The following CMC1 variants were observed in gnomAD, a reference collection of about 807,000 sequenced individuals.
CMC1 encodes the protein COX assembly mitochondrial protein homolog.
CMC1 carries 14 observed loss-of-function variants against 14.1 expected under a neutral mutation model. The observed-to-expected ratio is 0.99, with a 90% CI of 0.66 to 1.55. CMC1 has a LOEUF of 1.55. CMC1 is among the 40% of genes most tolerant of loss of function. CMC1 has a pLI of 0.00. For synonymous variants in CMC1, 50 were observed against 38.4 expected (o/e 1.30, Z -1.12); for missense variants, 127 against 123.8 (o/e 1.03, Z -0.12).
intron 2 of CMC1, among the ~76,000 whole-genome samples, chr3:28,276,521 A>G (rs981212865): frequency 1.3e-5 from 2 of 152,182 alleles, no homozygotes; most frequent in African/African-American, 4.8e-5. Context: ...ATTAACTTTG[A>G]ATTATTTTGC....
At chr3:28,248,494 T>G (rs1179962015) in intron 1 of CMC1, among the ~76,000 whole-genome samples, 2 of 152,042 alleles carry the variant, frequency 1.3e-5, no homozygotes, top group Admixed American at 6.5e-5. Flanking sequence ...ATTGCTAAGG[T>G]TGCTTCAAGC....
At chr3:28,283,554 A>AAAC (rs1286503202) in intron 2 of CMC1, among the ~76,000 whole-genome samples, 3 of 104,204 alleles carry the variant, frequency 2.9e-5, no homozygotes, top group African/African-American at 5.9e-5. Context: ...ACAAAAACAA[A>AAAC]AAAAAAAAAA....
At chr3:28,262,992 T>G in intron 1 of CMC1, 1 of 258,528 alleles carries the variant, frequency 3.9e-6, no homozygotes, top group Non-Finnish European at 7.3e-6. Context: ...AGGGAATGAT[T>G]TAGATGCCAA....
chr3:28,310,499 AAC>A (rs1383155397), intron 2 of CMC1, among the ~76,000 whole-genome samples: 4 of 152,248 alleles, frequency 2.6e-5, no homozygotes, highest in African/African-American at 9.6e-5. Context: ...GTCTATTATA[AAC>A]ACAATAAATA....
chr3:28,281,174 G>A (rs970389843), intron 2 of CMC1, among the ~76,000 whole-genome samples: 1 of 152,160 alleles, frequency 6.6e-6, no homozygotes, highest in African/African-American at 2.4e-5. Flanking sequence ...AGCCCTGCAC[G>A]TAAGCTGTCT....
intron 2 of CMC1, among the ~76,000 whole-genome samples, chr3:28,280,534 A>G (rs1360140678): frequency 1.3e-5 from 2 of 152,228 alleles, no homozygotes; most frequent in East Asian, 1.9e-4. Flanking sequence ...ACTGCTGGCC[A>G]GGAATAACAG....
chr3:28,244,061 A>C (rs1359694535), intron 1 of CMC1, among the ~76,000 whole-genome samples: 6 of 152,192 alleles, frequency 3.9e-5, no homozygotes, highest in Non-Finnish European at 8.8e-5. Flanking sequence ...GGGATCCATA[A>C]GGAAAGATAT....
chr3:28,305,777 GA>G (rs1235064366), intron 2 of CMC1, among the ~76,000 whole-genome samples: 66 of 110,830 alleles, frequency 6.0e-4, no homozygotes, highest in Non-Finnish European at 9.4e-4. Flanking sequence ...TTTTTCATAG[GA>G]ATTTTTTTTT....
intron 2 of CMC1, among the ~76,000 whole-genome samples, chr3:28,309,771 G>A (rs931710561): frequency 6.6e-6 from 1 of 150,790 alleles, no homozygotes; most frequent in African/African-American, 2.4e-5. Context: ...TTTTAACATT[G>A]CCTACTGGTC....
chr3:28,319,310 A>C, intron 3 of CMC1, 199 bp from the exon 4 acceptor site: 1 of 609,916 alleles, frequency 1.6e-6, no homozygotes, highest in South Asian at 1.5e-5. Flanking sequence ...ATTCTGTGAC[A>C]GTGCTATATA....
chr3:28,319,092 G>T, intron 3 of CMC1: 1 of 359,530 alleles, frequency 2.8e-6, no homozygotes, highest in Non-Finnish European at 5.5e-6. Context: ...TCCCACACTT[G>T]CCTTCTATAT....
At chr3:28,313,355 ATTATC>A (rs1346709706) in intron 2 of CMC1, among the ~76,000 whole-genome samples, 7 of 152,172 alleles carry the variant, frequency 4.6e-5, no homozygotes, top group Admixed American at 6.5e-5. Context: ...ATTCTTTTGT[ATTATC>A]TTAAGATAGA....
Position 28,324,275 on chromosome 3 carries a change from G to C in CMC1, c.*4646G>C. 1 of 1,608,846 alleles carries C rather than the reference G, an allele frequency of 6.2e-7. No homozygotes were observed. Among genetic ancestry groups the C allele is most frequent in the Non-Finnish European group, 8.5e-7 (1 of 1,176,450 alleles). On this transcript the variant is annotated 3_prime_UTR_variant, in exon 4 of 4. Coordinates refer to ENST00000466830, the MANE Select transcript of CMC1 (RefSeq NM_182523.2). ...CTCTCATTGTCTGTCCATGATTGGA[G>C]GATTGCTTTCTCTGATAAAACCTTT... is the stretch of plus-strand genomic sequence containing the variant.
At chr3:28,319,182 C>T in intron 3 of CMC1, 2 of 450,272 alleles carry the variant, frequency 4.4e-6, no homozygotes, top group South Asian at 3.2e-5. Flanking sequence ...TCCTTGTTTC[C>T]ATGGTGCACT....
intron 2 of CMC1, among the ~76,000 whole-genome samples, chr3:28,280,268 A>G (rs1700818561): frequency 6.6e-6 from 1 of 152,216 alleles, no homozygotes; most frequent in Admixed American, 6.5e-5. Flanking sequence ...GTATTGATTG[A>G]AAAAGGATAT....
chr3:28,294,774 A>T, intron 2 of CMC1, among the ~76,000 whole-genome samples: 1 of 152,104 alleles, frequency 6.6e-6, no homozygotes, highest in East Asian at 1.9e-4. Context: ...TGAGTTGGGT[A>T]AAATAGAAGA....
At position 28,324,229 on chromosome 3, in the gene CMC1, G is replaced by A; in HGVS notation, c.*4600G>A. On this transcript the variant is annotated 3_prime_UTR_variant, in exon 4 of 4. Coordinates refer to ENST00000466830, the MANE Select transcript of CMC1 (RefSeq NM_182523.2). ...ATAAGAACTGTGTTCCTGAAAGCATGTACCATCATTAGGAATGGATCTCTC... is the reference window on the plus strand; with the variant it reads ...ATAAGAACTGTGTTCCTGAAAGCATATACCATCATTAGGAATGGATCTCTC... 1 of 1,610,434 alleles carries A rather than the reference G, an allele frequency of 6.2e-7. No homozygotes were observed.
chr3:28,265,723 G>T (rs1167362969), intron 2 of CMC1, among the ~76,000 whole-genome samples: 1 of 152,066 alleles, frequency 6.6e-6, no homozygotes, highest in Non-Finnish European at 1.5e-5. Context: ...TGGACAAAGA[G>T]AAATGAAATC....
chr3:28,307,720 C>G (rs1702400695), intron 2 of CMC1, among the ~76,000 whole-genome samples: 1 of 152,196 alleles, frequency 6.6e-6, no homozygotes, highest in South Asian at 2.1e-4. Flanking sequence ...TTTCCCCCCA[C>G]TGTGGTAGTA....
Sources: allele counts gnomAD v4.1 joint callset (sites outside exome capture counted in the v4.1 genomes callset), GRCh38; gene constraint gnomAD v4.1.1; transcripts MANE v1.5; gene names NCBI Gene and HGNC (gene_info 2026-07-23, HGNC 2026-07-21).